The following ZNG1E variants were observed in gnomAD, a reference collection of about 807,000 sequenced individuals.
ZNG1E encodes the protein zinc-regulated GTPase metalloprotein activator 1E.
the ZNG1E span, chr9:65,704,587 A>T: frequency 2.1e-6 from 2 of 938,962 alleles, no homozygotes; most frequent in East Asian, 2.4e-4. Context: ...AAATTCCTTG[A>T]GGCATAGCAA....
chr9:65,670,057 G>C, the ZNG1E span, among the ~76,000 whole-genome samples: 2 of 132,664 alleles, frequency 1.5e-5, no homozygotes, highest in South Asian at 5.4e-4. Context: ...CTAGATAAGA[G>C]GAACTGGGTT....
chr9:65,664,056 G>T, the ZNG1E span, among the ~76,000 whole-genome samples: 2 of 152,180 alleles, frequency 1.3e-5, no homozygotes, highest in African/African-American at 4.8e-5. Context: ...TTACTGAAAT[G>T]GAATCATACT....
chr9:65,717,765 A>G, the ZNG1E span, among the ~76,000 whole-genome samples: 1 of 146,746 alleles, frequency 6.8e-6, no homozygotes, highest in East Asian at 2.0e-4. Context: ...TCAGCTCCCT[A>G]TAGCCTCTGT....
chr9:65,693,256 A>G, the ZNG1E span: 1 of 440,864 alleles, frequency 2.3e-6, no homozygotes, highest in South Asian at 1.7e-5. Flanking sequence ...ACATCCTGCT[A>G]TGAATGTTTT....
the ZNG1E span, among the ~76,000 whole-genome samples, chr9:65,689,735 G>GA: frequency 6.8e-6 from 1 of 146,386 alleles, no homozygotes; most frequent in African/African-American, 2.5e-5. Flanking sequence ...TTTACTGAGT[G>GA]AAAAAATTCA....
At chr9:65,684,729 A>C in the ZNG1E span, among the ~76,000 whole-genome samples, 13 of 152,262 alleles carry the variant, frequency 8.5e-5, no homozygotes, top group African/African-American at 2.6e-4. Flanking sequence ...GGAATCTCTA[A>C]GGGAGGGGGT....
At chr9:65,663,831 T>TC in the ZNG1E span, among the ~76,000 whole-genome samples, 1 of 149,768 alleles carries the variant, frequency 6.7e-6, no homozygotes, top group Non-Finnish European at 1.5e-5. Context: ...ATGCAAAGTT[T>TC]TTTTTAAGGT....
chr9:65,658,378 A>G, the ZNG1E span, among the ~76,000 whole-genome samples: 3,141 of 139,188 alleles, frequency 0.023, 1 homozygote, highest in African/African-American at 0.031. Context: ...CCAATCTCCC[A>G]GTAAGCAGAG....
chr9:65,714,422 G>A, the ZNG1E span, among the ~76,000 whole-genome samples: 1 of 116,764 alleles, frequency 8.6e-6, no homozygotes, highest in East Asian at 2.2e-4. Flanking sequence ...TTTGGAGGAG[G>A]AGAGGCGCTG....
At chr9:65,679,922 T>C in the ZNG1E span, among the ~76,000 whole-genome samples, 2 of 152,244 alleles carry the variant, frequency 1.3e-5, no homozygotes, top group East Asian at 3.8e-4. Flanking sequence ...ATGAAAAATA[T>C]TTGAAAATGC....
the ZNG1E span, among the ~76,000 whole-genome samples, chr9:65,717,540 A>T: frequency 6.7e-6 from 1 of 149,716 alleles, no homozygotes; most frequent in Admixed American, 6.6e-5. Flanking sequence ...GTTAGCCATG[A>T]TCCCTTTCAT....
chr9:65,691,800 A>G, the ZNG1E span, among the ~76,000 whole-genome samples: 13 of 150,668 alleles, frequency 8.6e-5, no homozygotes, highest in Non-Finnish European at 1.5e-5. Context: ...AATATATTAG[A>G]AACTTTCTTA....
the ZNG1E span, among the ~76,000 whole-genome samples, chr9:65,683,881 G>A: frequency 3.2e-3 from 482 of 150,940 alleles, 1 homozygote; most frequent in African/African-American, 0.01. Context: ...ATATGTTGGC[G>A]TTAAATATTA....
the ZNG1E span, among the ~76,000 whole-genome samples, chr9:65,657,843 G>A: frequency 6.6e-6 from 1 of 152,406 alleles, no homozygotes; most frequent in Non-Finnish European, 1.5e-5. Flanking sequence ...GCTCATGCCT[G>A]TAATCCCAGC....
chr9:65,704,901 ACT>A, the ZNG1E span: 1 of 45,698 alleles, frequency 2.2e-5, no homozygotes, highest in Non-Finnish European at 4.0e-5. Flanking sequence ...ACAGAGCGAG[ACT>A]CTGTCTCAAA....
the ZNG1E span, among the ~76,000 whole-genome samples, chr9:65,656,518 T>C: frequency 6.6e-6 from 1 of 151,754 alleles, no homozygotes; most frequent in Non-Finnish European, 1.5e-5. Context: ...GGGATAAAGG[T>C]AGGGTCAAAA....
the ZNG1E span, among the ~76,000 whole-genome samples, chr9:65,685,268 A>T: frequency 6.6e-6 from 1 of 152,270 alleles, no homozygotes; most frequent in Non-Finnish European, 1.5e-5. Context: ...TAGTTACTGA[A>T]GGTTGGGGTG....
chr9:65,684,544 A>ACG, the ZNG1E span, among the ~76,000 whole-genome samples: 1 of 133,242 alleles, frequency 7.5e-6, no homozygotes, highest in Non-Finnish European at 1.6e-5. Context: ...ACACACACAC[A>ACG]CGCACGCACA....
At chr9:65,690,928 A>G in the ZNG1E span, 1 of 1,592,852 alleles carries the variant, frequency 6.3e-7, no homozygotes, top group South Asian at 1.1e-5. Flanking sequence ...TCTCAGTGTG[A>G]AGAAATATTT....
Sources: gnomAD v4.1 joint callset for allele counts (sites outside exome capture counted in the v4.1 genomes callset) on GRCh38, gnomAD v4.1.1 for gene constraint, MANE v1.5 for transcripts, NCBI Gene and HGNC (gene_info 2026-07-23, HGNC 2026-07-21) for gene names.